CACNA1D: variants seen among roughly 807,000 people sequenced by gnomAD.
The protein encoded by CACNA1D is calcium voltage-gated channel subunit alpha1 D.
CACNA1D carries 55 observed loss-of-function variants against 257.1 expected under a neutral mutation model. The ratio of observed to expected loss-of-function variants is 0.21; its 90% confidence interval spans 0.17 to 0.27. The LOEUF (loss-of-function observed/expected upper bound fraction) is 0.27, where lower values mean the gene tolerates loss of function less well. Among genes scored for constraint, CACNA1D ranks in the 10% least tolerant of loss-of-function variants. The pLI, the probability that CACNA1D is intolerant of heterozygous loss-of-function variation, is 1.00. For missense variants in CACNA1D, 1,876 were observed against 2,784.0 expected, an observed-to-expected ratio of 0.67 and a Z score of 7.34; for synonymous variants, 980 against 1,014.9, an observed-to-expected ratio of 0.97 and a Z score of 0.65.
chr3:53,760,493 G>C (rs543681244), intron 29 of CACNA1D, among the ~76,000 whole-genome samples: 7 of 152,146 alleles, frequency 4.6e-5, no homozygotes, highest in Non-Finnish European at 1.0e-4. Context: ...TTTCCAAAAA[G>C]CGTCCAGACT....
chr3:53,561,235 T>C (rs2092732786), intron 3 of CACNA1D, among the ~76,000 whole-genome samples: 1 of 152,162 alleles, frequency 6.6e-6, no homozygotes, highest in Non-Finnish European at 1.5e-5. Context: ...TTTTTTTCTG[T>C]TTTATCTTGT....
chr3:53,600,584 A>G (rs1012772432), intron 3 of CACNA1D, among the ~76,000 whole-genome samples: 9 of 152,230 alleles, frequency 5.9e-5, no homozygotes, highest in Non-Finnish European at 1.2e-4. Context: ...CTTGCTGACT[A>G]TGGTTCCATT....
intron 3 of CACNA1D, among the ~76,000 whole-genome samples, chr3:53,568,196 C>T (rs1426122554): frequency 6.6e-6 from 1 of 152,110 alleles, no homozygotes; most frequent in Non-Finnish European, 1.5e-5. Flanking sequence ...AGCTCTTCAC[C>T]CTCTTACGGA....
chr3:53,517,025 T>C (rs2091362814), intron 3 of CACNA1D, among the ~76,000 whole-genome samples: 3 of 152,182 alleles, frequency 2.0e-5, no homozygotes, highest in South Asian at 4.1e-4. Context: ...TTTACTTCGT[T>C]GTGACCCTCA....
chr3:53,722,236 A>G, intron 11 of CACNA1D, 78 bp from the exon 12 acceptor site: 1 of 1,548,192 alleles, frequency 6.5e-7, no homozygotes, highest in Non-Finnish European at 8.9e-7. Flanking sequence ...TGAAAGCCAA[A>G]TTATCTCTCA....
chr3:53,685,545 G>A (rs1255033685), intron 8 of CACNA1D, among the ~76,000 whole-genome samples: 1 of 152,042 alleles, frequency 6.6e-6, no homozygotes, highest in East Asian at 1.9e-4. Context: ...AGAGCACGTG[G>A]AACATTCACC....
intron 3 of CACNA1D, among the ~76,000 whole-genome samples, chr3:53,593,320 C>T (rs548423900): frequency 1.3e-5 from 2 of 152,258 alleles, no homozygotes; most frequent in African/African-American, 4.8e-5. Flanking sequence ...GTATGTCTTC[C>T]AGTTTTAGCC....
At chr3:53,727,714 G>A (rs1333050719) in intron 15 of CACNA1D, among the ~76,000 whole-genome samples, 1 of 152,052 alleles carries the variant, frequency 6.6e-6, no homozygotes, top group African/African-American at 2.4e-5. Context: ...GGCCTTTAAT[G>A]AATGTTTGAT....
intron 40 of CACNA1D, among the ~76,000 whole-genome samples, chr3:53,795,823 C>A (rs1353859222): frequency 1.3e-5 from 2 of 152,176 alleles, no homozygotes; most frequent in African/African-American, 4.8e-5. Flanking sequence ...TAGATAATTT[C>A]TTTAAAGTTT....
At chr3:53,575,118 A>C (rs1249519959) in intron 3 of CACNA1D, among the ~76,000 whole-genome samples, 4 of 152,328 alleles carry the variant, frequency 2.6e-5, no homozygotes, top group Non-Finnish European at 5.9e-5. Context: ...GACTGGGTGT[A>C]GGCCGGACCC....
At chr3:53,769,890 T>A in intron 30 of CACNA1D, 83 bp from the exon 31 acceptor site, 1 of 1,104,254 alleles carries the variant, frequency 9.1e-7, no homozygotes, top group Admixed American at 1.7e-5. Context: ...AACCACACAT[T>A]TTTTTAAAGG....
rs763082961 is a variant in CACNA1D, at chr3:53,702,862, G to A, written c.1390+52G>A. On this transcript the variant is annotated intron_variant, in intron 9 of 47. Coordinates refer to ENST00000350061, the MANE Select transcript of CACNA1D (RefSeq NM_001128840.3). The stretch of plus-strand genomic sequence containing the variant: ...CTAGACAGACCCAGTGTGCGGTTCA[G>A]ACGCCTAGCAGTAGGCCTTCCTCGA... 7.5e-6 allele frequency: 12 copies of A among 1,603,158 alleles called. No individual in the cohort carries two copies. In the Admixed American group the frequency reaches 1.2e-4, roughly 16 times the overall value.
At chr3:53,786,728 TCTG>T in intron 39 of CACNA1D, 91 bp from the exon 40 acceptor site, 2 of 253,168 alleles carry the variant, frequency 7.9e-6, no homozygotes, top group Non-Finnish European at 1.6e-5. Flanking sequence ...CCCGCCCCAC[TCTG>T]CCCCTGCCCC....
In CACNA1D at chr3:53,774,325, G is replaced by T; in HGVS notation, c.4111-262G>T. ...AGCATCATCACTGGGGTTTGATGTT[G>T]CCTGGCTACCTTTGTGTCTCCCCCA... On this transcript the variant is annotated intron_variant, in intron 33 of 47. Coordinates refer to ENST00000350061, the MANE Select transcript of CACNA1D (RefSeq NM_001128840.3). This position sits in a 1 kb window ranked among gnomAD's most constrained non-coding sequence, Gnocchi z 4.3. 2.2e-6 allele frequency: 1 copy of T among 463,748 alleles called. No homozygotes were observed. The allele number at this position is 463,748 out of a possible 1,614,324, so 28.7% of individuals were successfully genotyped here.
chr3:53,523,051 G>C (rs568184372), intron 3 of CACNA1D, among the ~76,000 whole-genome samples: 1 of 152,142 alleles, frequency 6.6e-6, no homozygotes, highest in African/African-American at 2.4e-5. Context: ...TTCACTTACC[G>C]TGATGGAAGT....
At chr3:53,777,761 G>C (rs537189236) in intron 37 of CACNA1D, among the ~76,000 whole-genome samples, 1 of 152,216 alleles carries the variant, frequency 6.6e-6, no homozygotes, top group Admixed American at 6.5e-5. Context: ...GTGCAACGCA[G>C]TTCTGTGTTT....
In CACNA1D at chr3:53,811,637, A is replaced by G. The variant is rs1221631911; in HGVS notation, c.*231A>G. ...GCGCTCGGCCCCAGCTGCAGGAAAC[A>G]GCAGGCCCCGCCCTCTCACAGAGGA... On this transcript the variant is annotated 3_prime_UTR_variant, in exon 48 of 48. Coordinates refer to ENST00000350061, the MANE Select transcript of CACNA1D (RefSeq NM_001128840.3). This position sits in a 1 kb window ranked among gnomAD's most constrained non-coding sequence, Gnocchi z 4.2. The G allele has an allele frequency of 2.3e-6, 1 of 443,376 alleles. No homozygotes were observed. The highest frequency in any genetic ancestry group is 4.0e-6 in the Non-Finnish European group (1 of 250,228). 27.5% of individuals were successfully genotyped at this position (443,376 alleles called of 1,614,324 possible). A position where few individuals can be genotyped will look rare whatever the true frequency, so the allele number is the denominator to read the frequency against.
intron 3 of CACNA1D, among the ~76,000 whole-genome samples, chr3:53,592,395 G>A (rs1157039734): frequency 6.6e-6 from 1 of 152,044 alleles, no homozygotes; most frequent in African/African-American, 2.4e-5. Context: ...AGGGGTGAAA[G>A]GAGGAGCTGG....
chr3:53,780,807 G>GGGAGGTGGGA (rs1181445271), intron 38 of CACNA1D, among the ~76,000 whole-genome samples: 1 of 152,222 alleles, frequency 6.6e-6, no homozygotes, highest in African/African-American at 2.4e-5. Context: ...AGGAGGTGGG[G>GGGAGGTGGGA]GGAGGTGGGA....
Sources: gnomAD v4.1 joint callset for allele counts (sites outside exome capture counted in the v4.1 genomes callset) on GRCh38, gnomAD v4.1.1 for gene constraint, Gnocchi (gnomAD v3.1) non-coding constraint, MANE v1.5 for transcripts, NCBI Gene and HGNC (gene_info 2026-07-23, HGNC 2026-07-21) for gene names.